Variants in KCNMB2 observed in about 807,000 individuals in gnomAD.
KCNMB2 encodes the protein potassium calcium-activated channel subfamily M regulatory beta subunit 2, also known as calcium-activated potassium channel subunit beta-2.
Under a neutral mutation model 24.5 loss-of-function variants are expected in KCNMB2, and 9 were observed. The ratio of observed to expected loss-of-function variants is 0.37; its 90% CI spans 0.22 to 0.64. KCNMB2 has a LOEUF of 0.64. Ranked by LOEUF, KCNMB2 falls within the 30% of genes least tolerant of loss-of-function variation. The probability of loss-of-function intolerance (pLI) is 0.63; values close to 1 mark genes in which losing one functional copy is unlikely to be tolerated. For synonymous variants in KCNMB2, 109 were observed against 104.4 expected, an observed-to-expected ratio of 1.04 and a Z score of -0.27; for missense variants, 226 against 284.3, an observed-to-expected ratio of 0.79 and a Z score of 1.47.
intron 1 of KCNMB2, among the ~76,000 whole-genome samples, chr3:178,768,948 C>G (rs1161828406): frequency 7.1e-6 from 1 of 140,542 alleles, no homozygotes; most frequent in Non-Finnish European, 1.6e-5. Context: ...AATGTACCAA[C>G]ATTGCACGGT....
chr3:178,801,834 G>C (rs959342743), intron 1 of KCNMB2: 1 of 152,190 alleles, frequency 6.6e-6, no homozygotes, highest in Non-Finnish European at 1.5e-5. Context: ...AGCTGGTCTG[G>C]TGTAGTACAA....
chr3:178,668,780 A>C lies in KCNMB2; in HGVS notation c.-68+132069A>C, dbSNP rs56761567. ...AAGCTATGATTACTTATAATGACTT[A>C]CTGCAATTGTCCATATCTTCTGTTC... On this transcript the variant is annotated intron_variant, in intron 1 of 4. Transcript: ENST00000452583. 2.2e-4 allele frequency among the ~76,000 whole-genome samples: 33 copies of C among 152,334 alleles called. No homozygotes were observed. The East Asian group carries it at 5.4e-3, about 25-fold the overall frequency.
chr3:178,677,305 A>G (rs1721103772), intron 1 of KCNMB2, among the ~76,000 whole-genome samples: 1 of 152,120 alleles, frequency 6.6e-6, no homozygotes, highest in Non-Finnish European at 1.5e-5. Flanking sequence ...AACACCAGAC[A>G]CCATAAGGAG....
intron 4 of KCNMB2, 49 bp downstream of exon 4, chr3:178,828,422 C>CA (rs754990270): frequency 4.6e-5 from 64 of 1,383,514 alleles, no homozygotes; most frequent in Non-Finnish European, 5.8e-5. Context: ...AGCTTCACAC[C>CA]AGGCTCTCTG....
chr3:178,543,950 A>G (rs1577000130), intron 1 of KCNMB2, among the ~76,000 whole-genome samples: 2 of 152,078 alleles, frequency 1.3e-5, no homozygotes, highest in African/African-American at 4.8e-5. Context: ...ATGCTGTGAT[A>G]TTTGGTTCAC....
chr3:178,781,146 AT>A (rs1241845186), intron 1 of KCNMB2, among the ~76,000 whole-genome samples: 6 of 151,980 alleles, frequency 3.9e-5, no homozygotes, highest in African/African-American at 1.2e-4. Context: ...ATTAGAATTA[AT>A]TTTTCCTATT....
rs557877837 is a variant in KCNMB2, at chr3:178,688,513, C to A, written c.-67-118830C>A. The stretch of plus-strand genomic sequence containing the variant: ...TGCAGCACATAACAAATAAATATGC[C>A]AACTTTAAGCTGAAGACTCCATAAC... On this transcript the variant is annotated intron_variant, in intron 1 of 4. Transcript: ENST00000452583. Among the ~76,000 whole-genome samples, 200 of 152,144 alleles carry A rather than the reference C, an allele frequency of 1.3e-3. 1 individual carries two copies. The highest frequency in any genetic ancestry group is 2.2e-3 in the Non-Finnish European group (152 of 67,992).
intron 1 of KCNMB2, among the ~76,000 whole-genome samples, chr3:178,550,104 A>G (rs1411006905): frequency 6.6e-6 from 1 of 152,130 alleles, no homozygotes; most frequent in Non-Finnish European, 1.5e-5. Context: ...TTTAATCTTC[A>G]GACTTTGCAA....
At chr3:178,682,948 G>A (rs983569902) in intron 1 of KCNMB2, among the ~76,000 whole-genome samples, 7 of 152,118 alleles carry the variant, frequency 4.6e-5, no homozygotes, top group African/African-American at 1.7e-4. Flanking sequence ...TTCAGCCACT[G>A]TAGAAAGTGA....
chr3:178,749,606 A>G lies in KCNMB2; in HGVS notation c.-67-57737A>G, dbSNP rs145193459. On this transcript the variant is annotated intron_variant, in intron 1 of 4. Coordinates refer to ENST00000452583, the MANE Select transcript of KCNMB2 (RefSeq NM_181361.3). ...TATCCAGCACAGCTCTGTGGAGGGC[A>G]AGGAAGCTCAAGTCTTTGAAGATAT... Among the ~76,000 whole-genome samples, 475 of 152,340 alleles carry G rather than the reference A, an allele frequency of 3.1e-3. 3 individuals are homozygous for G. The highest frequency in any genetic ancestry group is 5.5e-3 in the Non-Finnish European group (373 of 68,028).
intron 2 of KCNMB2, among the ~76,000 whole-genome samples, chr3:178,824,183 C>A (rs922337503): frequency 1.6e-4 from 24 of 152,160 alleles, no homozygotes; most frequent in Admixed American, 1.3e-4. Context: ...CTCCTCCAGA[C>A]CTGGTTTCAA....
intron 2 of KCNMB2, 23 bp downstream of exon 2, chr3:178,807,488 C>T (rs1560029650): frequency 6.2e-7 from 1 of 1,606,060 alleles, no homozygotes; most frequent in Non-Finnish European, 8.5e-7. Context: ...GGATTCTGGG[C>T]ACTTTTCAGA....
chr3:178,638,449 C>T (rs7623291), intron 1 of KCNMB2, among the ~76,000 whole-genome samples: 49,858 of 152,020 alleles, frequency 0.33, 8,132 homozygotes, highest in Middle Eastern at 0.41. Flanking sequence ...AATCTACTCT[C>T]GTATCAAGGC....
At chr3:178,694,829 G>A (rs1721816714) in intron 1 of KCNMB2, among the ~76,000 whole-genome samples, 1 of 152,194 alleles carries the variant, frequency 6.6e-6, no homozygotes, top group Non-Finnish European at 1.5e-5. Flanking sequence ...GAGTGTCTGT[G>A]GCTTTTCCAG....
At chr3:178,699,233 T>C (rs1278199090) in intron 1 of KCNMB2, among the ~76,000 whole-genome samples, 1 of 152,228 alleles carries the variant, frequency 6.6e-6, no homozygotes, top group Non-Finnish European at 1.5e-5. Context: ...GAAGGATCCA[T>C]TGTTGTCTGC....
intron 2 of KCNMB2, among the ~76,000 whole-genome samples, chr3:178,820,112 A>AT (rs1315797020): frequency 6.6e-6 from 1 of 152,262 alleles, no homozygotes; most frequent in Non-Finnish European, 1.5e-5. Flanking sequence ...TTCATTTACT[A>AT]TATTTAAAAC....
chr3:178,546,870 C>T (rs889867131), intron 1 of KCNMB2, among the ~76,000 whole-genome samples: 2 of 152,152 alleles, frequency 1.3e-5, no homozygotes, highest in African/African-American at 4.8e-5. Context: ...GCCAAGAAGC[C>T]AGATGAAAGT....
At chr3:178,561,968 C>T (rs1224108623) in intron 1 of KCNMB2, among the ~76,000 whole-genome samples, 1 of 152,186 alleles carries the variant, frequency 6.6e-6, no homozygotes, top group Non-Finnish European at 1.5e-5. Context: ...ATTCAGTTAT[C>T]CACTTTGGTG....
chr3:178,799,334 G>T (rs533899181), intron 1 of KCNMB2, among the ~76,000 whole-genome samples: 14 of 152,176 alleles, frequency 9.2e-5, no homozygotes, highest in Admixed American at 2.6e-4. Flanking sequence ...CAGTAAAGTT[G>T]CAGGATCCAA....
Sources: allele counts gnomAD v4.1 joint callset (sites outside exome capture counted in the v4.1 genomes callset), GRCh38; gene constraint gnomAD v4.1.1; transcripts MANE v1.5; gene names NCBI Gene and HGNC (gene_info 2026-07-23, HGNC 2026-07-21).